Variants in SLIT3 observed in about 807,000 individuals in gnomAD.
SLIT3 encodes the protein slit guidance ligand 3.
In SLIT3, 68 loss-of-function variants were observed where a neutral mutation model predicts 184.0. The ratio of observed to expected loss-of-function variants is 0.37; its 90% CI spans 0.30 to 0.45. SLIT3 has a LOEUF of 0.45. Ranked by LOEUF, SLIT3 falls within the 20% of genes least tolerant of loss-of-function variation. SLIT3 has a pLI of 1.00. For missense variants in SLIT3, 1,707 were observed against 2,026.0 expected (o/e 0.84, Z 3.02); for synonymous variants, 831 against 828.6 (o/e 1.00, Z -0.05).
rs563169311 is a variant in SLIT3, at chr5:169,157,307, C to T, written c.413+36172G>A. On this transcript the variant is annotated intron_variant, in intron 4 of 35. Coordinates refer to ENST00000519560, the MANE Select transcript of SLIT3 (RefSeq NM_003062.4). ...GAGTTCTATGGAATGTCAGTACTTT[C>T]ACCAGCACCCAGCAGTAAAGAAGCC... Among the ~76,000 whole-genome samples the T allele has an allele frequency of 2.4e-4, 36 of 152,310 alleles. No homozygotes were observed. The South Asian group carries it at 7.3e-3, about 31-fold the overall frequency.
chr5:168,692,301 G>A (rs1241545541), intron 29 of SLIT3, among the ~76,000 whole-genome samples: 31 of 152,168 alleles, frequency 2.0e-4, no homozygotes, highest in Non-Finnish European at 1.5e-5. Flanking sequence ...CTGGGAAGTT[G>A]GTAGGAGAGG....
intron 23 of SLIT3, chr5:168,712,582 T>G (rs1336316194): frequency 1.5e-5 from 8 of 540,078 alleles, no homozygotes; most frequent in Admixed American, 1.3e-4. Flanking sequence ...GGTGGACTTT[T>G]CAATCTGATA....
At chr5:168,939,705 A>G (rs1184336323) in intron 4 of SLIT3, among the ~76,000 whole-genome samples, 1 of 152,230 alleles carries the variant, frequency 6.6e-6, no homozygotes, top group Non-Finnish European at 1.5e-5. Context: ...CTTTCCACAG[A>G]TGCACATTAT....
At chr5:168,953,746 G>A (rs1260286079) in intron 4 of SLIT3, among the ~76,000 whole-genome samples, 2 of 152,166 alleles carry the variant, frequency 1.3e-5, no homozygotes, top group Non-Finnish European at 2.9e-5. Flanking sequence ...GAAGGTAGGC[G>A]CTGAAAGCAT....
chr5:168,881,691 A>G (rs1759959025), intron 5 of SLIT3, among the ~76,000 whole-genome samples: 1 of 152,198 alleles, frequency 6.6e-6, no homozygotes, highest in African/African-American at 2.4e-5. Flanking sequence ...GGAACGAAAT[A>G]CTAGAAAAGC....
intron 4 of SLIT3, among the ~76,000 whole-genome samples, chr5:169,146,263 A>T (rs1390649846): frequency 1.3e-5 from 2 of 152,266 alleles, no homozygotes; most frequent in Non-Finnish European, 2.9e-5. Flanking sequence ...CCAGGCTGCA[A>T]GGTATTTGTT....
Position 169,004,836 on chromosome 5 carries a change from C to T in SLIT3, c.414-121500G>A, listed in dbSNP as rs545732759. Among the ~76,000 whole-genome samples, 44 of 152,276 alleles carry T rather than the reference C, an allele frequency of 2.9e-4. 2 individuals are homozygous for T. The South Asian group carries it at 8.1e-3, about 28-fold the overall frequency. ...ATGTGACGATACAGCTAGAAGGCAG[C>T]TGCATGCCAGGAAGAAGGCCCTCCC... On this transcript the variant is annotated intron_variant, in intron 4 of 35. Coordinates refer to ENST00000519560, the MANE Select transcript of SLIT3 (RefSeq NM_003062.4).
At chr5:169,104,222 G>A (rs1260677856) in intron 4 of SLIT3, among the ~76,000 whole-genome samples, 14 of 152,238 alleles carry the variant, frequency 9.2e-5, no homozygotes, top group South Asian at 4.1e-4. Context: ...CCATGAAGCC[G>A]CGCCGGGAAG....
Position 169,152,522 on chromosome 5 carries a change from C to T in SLIT3, c.413+40957G>A, listed in dbSNP as rs544124923. Among the ~76,000 whole-genome samples, 38 of 152,294 alleles carry T rather than the reference C, an allele frequency of 2.5e-4. No homozygotes were observed. The East Asian group carries it at 2.5e-3, about 10-fold the overall frequency. ...GGGGCAAAGTGTCTGGGCACCGCCT[C>T]GTGGGGATGACTTGCAGCATTTTGC... is the stretch of plus-strand genomic sequence containing the variant. On this transcript the variant is annotated intron_variant, in intron 4 of 35. Coordinates refer to ENST00000519560, the MANE Select transcript of SLIT3 (RefSeq NM_003062.4).
At chr5:169,237,019 G>A (rs754892815) in intron 3 of SLIT3, among the ~76,000 whole-genome samples, 19 of 152,170 alleles carry the variant, frequency 1.2e-4, no homozygotes, top group African/African-American at 3.6e-4. Flanking sequence ...TCCAGTATAC[G>A]TGTACAGTGT....
intron 4 of SLIT3, among the ~76,000 whole-genome samples, chr5:169,007,085 TAGTG>T (rs1294287236): frequency 6.6e-6 from 1 of 152,176 alleles, no homozygotes; most frequent in Admixed American, 6.5e-5. Context: ...GTTCTCGTGA[TAGTG>T]AGTGAGTTCT....
At chr5:168,878,827 G>A (rs1381839445) in intron 5 of SLIT3, among the ~76,000 whole-genome samples, 1 of 150,672 alleles carries the variant, frequency 6.6e-6, no homozygotes. Flanking sequence ...CAGTTCTCTT[G>A]CCTCAGTCTC....
Position 169,112,470 on chromosome 5 carries a change from T to C in SLIT3, c.413+81009A>G, listed in dbSNP as rs532360913. On this transcript the variant is annotated intron_variant, in intron 4 of 35. Transcript: ENST00000519560. ...GGCACAAGGTAGACCCTCATAACAT[T>C]TTAGTTTCTCCTTCTTCCATCTGGA... is the stretch of plus-strand genomic sequence containing the variant. Among the ~76,000 whole-genome samples the C allele has an allele frequency of 3.7e-4, 56 of 152,258 alleles. No individual in the cohort carries two copies. The Middle Eastern group carries it at 0.01, about 28-fold the overall frequency.
At chr5:168,732,168 C>T (rs1181372365) in intron 20 of SLIT3, among the ~76,000 whole-genome samples, 1 of 151,836 alleles carries the variant, frequency 6.6e-6, no homozygotes, top group Non-Finnish European at 1.5e-5. Context: ...AGTCAAGGAC[C>T]AAATCAAGAA....
rs760048935 is a variant in SLIT3 at position 168,671,342 on chromosome 5, A to G, written c.3983T>C (p.Val1328Ala). The change falls in exon 34 of 36, where the codon GTG becomes GCG. Residue 1328 changes from valine (V) to alanine (A), a missense_variant. Transcript: ENST00000519560. ...GGTGCAGGACTTGCAGCCTGGTGAC[A>G]CCCCCAGGGACTGTGGTGGGAGGGC... ...FKALPPQSLG[V>A]SPGCKSCTVC... is the part of the protein sequence containing the mutation. The G allele has an allele frequency of 5.0e-6, 8 of 1,613,976 alleles. No individual in the cohort carries two copies.
chr5:169,289,458 A>G (rs1007616271), intron 1 of SLIT3, among the ~76,000 whole-genome samples: 7 of 152,256 alleles, frequency 4.6e-5, no homozygotes, highest in African/African-American at 1.7e-4. Context: ...CAGGGAGTTC[A>G]GGAGTATGTC....
intron 4 of SLIT3, among the ~76,000 whole-genome samples, chr5:169,105,617 C>T (rs527358865): frequency 6.6e-6 from 1 of 152,300 alleles, no homozygotes; most frequent in South Asian, 2.1e-4. Context: ...CCTGGATAAA[C>T]CAACATGTTC....
At chr5:169,293,098 C>T (rs1482996591) in intron 1 of SLIT3, among the ~76,000 whole-genome samples, 5 of 152,166 alleles carry the variant, frequency 3.3e-5, no homozygotes, top group African/African-American at 1.2e-4. Context: ...AACTGTACCA[C>T]ATACAGAATA....
At chr5:169,188,877 G>A (rs1033723315) in intron 4 of SLIT3, among the ~76,000 whole-genome samples, 4 of 152,024 alleles carry the variant, frequency 2.6e-5, no homozygotes, top group African/African-American at 9.7e-5. Flanking sequence ...ATACACAGTG[G>A]GCAGCCCCTT....
Sources: allele counts gnomAD v4.1 joint callset (sites outside exome capture counted in the v4.1 genomes callset), GRCh38; gene constraint gnomAD v4.1.1; transcripts MANE v1.5; gene names NCBI Gene and HGNC (gene_info 2026-07-23, HGNC 2026-07-21).